The following DOCK4 variants were observed in gnomAD, a reference collection of about 807,000 sequenced individuals.
The protein encoded by DOCK4 is dedicator of cytokinesis 4.
In DOCK4, 97 loss-of-function variants were observed where a neutral mutation model predicts 268.1. The observed-to-expected ratio is 0.36, with a 90% confidence interval of 0.31 to 0.43. DOCK4 has a LOEUF of 0.43. Among genes scored for constraint, DOCK4 ranks in the 20% least tolerant of loss-of-function variants. DOCK4 has a pLI of 1.00. For missense variants in DOCK4, 2,145 were observed against 2,455.7 expected, an observed-to-expected ratio of 0.87 and a Z score of 2.67; for synonymous variants, 954 against 887.2, an observed-to-expected ratio of 1.08 and a Z score of -1.34.
intron 1 of DOCK4, among the ~76,000 whole-genome samples, chr7:112,088,233 TC>T (rs1351848316): frequency 6.6e-6 from 1 of 152,132 alleles, no homozygotes; most frequent in Non-Finnish European, 1.5e-5. Flanking sequence ...ACATGGTCAT[TC>T]TTCTTCAAGT....
chr7:112,167,843 T>G (rs1817735328), intron 1 of DOCK4, among the ~76,000 whole-genome samples: 1 of 152,168 alleles, frequency 6.6e-6, no homozygotes, highest in South Asian at 2.1e-4. Flanking sequence ...ATTATAAAAT[T>G]GAAGCTTCTT....
intron 1 of DOCK4, among the ~76,000 whole-genome samples, chr7:112,026,923 GGAAAT>G (rs1189291465): frequency 5.3e-5 from 8 of 152,148 alleles, no homozygotes; most frequent in Admixed American, 5.2e-4. Context: ...TAAAGAGAGT[GGAAAT>G]GACTGAAAGT....
intron 26 of DOCK4, among the ~76,000 whole-genome samples, chr7:111,832,825 C>T (rs568663086): frequency 6.6e-6 from 1 of 152,278 alleles, no homozygotes; most frequent in East Asian, 1.9e-4. Context: ...CCGCCAGCCT[C>T]AGTAATTTTA....
Position 111,840,797 on chromosome 7 carries a change from G to A in DOCK4, c.2736+3966C>T, listed in dbSNP as rs777169355. On this transcript the variant is annotated intron_variant, in intron 25 of 52. Coordinates refer to ENST00000428084, the MANE Select transcript of DOCK4 (RefSeq NM_001363540.2). ...ACTTGTCATGGGCACTTTTCCATAT[G>A]TGTCTGCACAGACTGAAAAGGTGCT... 5 of 1,328,904 alleles carry A rather than the reference G, an allele frequency of 3.8e-6. No individual in the cohort carries two copies. The East Asian group carries it at 1.9e-4, about 51-fold the overall frequency. 82.3% of individuals were successfully genotyped at this position (1,328,904 alleles called of 1,614,324 possible). A position where few individuals can be genotyped will look rare whatever the true frequency, so the allele number is the denominator to read the frequency against.
chr7:112,096,834 G>A (rs1314216562), intron 1 of DOCK4, among the ~76,000 whole-genome samples: 1 of 152,174 alleles, frequency 6.6e-6, no homozygotes, highest in Non-Finnish European at 1.5e-5. Context: ...AGGGCAACTG[G>A]ACATTCTGAC....
At chr7:111,943,501 T>C (rs1795365794) in intron 10 of DOCK4, among the ~76,000 whole-genome samples, 2 of 152,242 alleles carry the variant, frequency 1.3e-5, no homozygotes, top group South Asian at 2.1e-4. Flanking sequence ...CATGAAGATA[T>C]ATAAAACCAC....
chr7:112,159,760 G>A (rs567394109), intron 1 of DOCK4, among the ~76,000 whole-genome samples: 1 of 149,088 alleles, frequency 6.7e-6, no homozygotes, highest in East Asian at 1.9e-4. Context: ...CCTTCCCTCT[G>A]TAGCCAGGAT....
rs150270920 is a variant in DOCK4, at chr7:112,107,067, T to C, written c.37+99035A>G. ...ATTTAATCAAAATTAACTTCAGATATTCAGAGACTATTTATTATGTATGGG... is the reference window on the plus strand; with the variant it reads ...ATTTAATCAAAATTAACTTCAGATACTCAGAGACTATTTATTATGTATGGG... On this transcript the variant is annotated intron_variant, in intron 1 of 52. Transcript: ENST00000428084. Among the ~76,000 whole-genome samples, 119 of 152,362 alleles carry C rather than the reference T, an allele frequency of 7.8e-4. 2 individuals carry two copies. The highest frequency in any genetic ancestry group is 2.6e-3 in the African/African-American group (108 of 41,582).
intron 42 of DOCK4, among the ~76,000 whole-genome samples, chr7:111,749,861 T>C (rs1389307758): frequency 1.3e-5 from 2 of 152,186 alleles, no homozygotes; most frequent in African/African-American, 2.4e-5. Context: ...TAAGTATTCC[T>C]AAGACTAGTT....
At chr7:111,998,575 A>T in intron 3 of DOCK4, 72 bp from the exon 4 acceptor site, 1 of 1,166,220 alleles carries the variant, frequency 8.6e-7, no homozygotes, top group Non-Finnish European at 1.2e-6. Flanking sequence ...CATTTGTATA[A>T]AACACAGCCA....
intron 26 of DOCK4, among the ~76,000 whole-genome samples, chr7:111,829,357 A>C (rs1802636247): frequency 6.6e-6 from 1 of 152,202 alleles, no homozygotes; most frequent in Admixed American, 6.5e-5. Flanking sequence ...ATGTTAATAG[A>C]ATTCCTAGTT....
At position 111,788,739 on chromosome 7, in the gene DOCK4, G is replaced by C; in HGVS notation, c.3324C>G (p.Ala1108=). The change falls in exon 32 of 53, where the codon GCC becomes GCG. Residue 1108 remains alanine, a synonymous_variant. Transcript: ENST00000428084. ...GGCTATCCAGTTTGTCAATTAGCTT[G>C]GCTTCCACCTGAAACATACCCAACT... The part of the protein sequence containing the change: ...RRSGNFKQVE[A]KLIDKLDSLM... 6.3e-7 allele frequency: 1 copy of C among 1,588,596 alleles called. No individual in the cohort carries two copies. Among genetic ancestry groups the C allele is most frequent in the Admixed American group, 1.8e-5 (1 of 56,556 alleles).
intron 16 of DOCK4, among the ~76,000 whole-genome samples, chr7:111,877,564 G>A (rs570165117): frequency 1.1e-3 from 161 of 152,274 alleles, no homozygotes; most frequent in African/African-American, 3.8e-3. Flanking sequence ...CATATTTGCA[G>A]TGACCATAGT....
chr7:112,192,000 A>C (rs1481755415), intron 1 of DOCK4, among the ~76,000 whole-genome samples: 1 of 148,314 alleles, frequency 6.7e-6, no homozygotes, highest in Non-Finnish European at 1.5e-5. Context: ...AATATTATAT[A>C]TTATATAGTA....
At chr7:111,926,550 AAAGG>A (rs1182558957) in intron 12 of DOCK4, among the ~76,000 whole-genome samples, 3 of 148,808 alleles carry the variant, frequency 2.0e-5, no homozygotes, top group Admixed American at 1.3e-4. Context: ...AAAGAGAAAG[AAAGG>A]AAGGAAGGAA....
At chr7:111,895,833 A>G in intron 15 of DOCK4, 115 bp from the exon 16 acceptor site, 1 of 923,802 alleles carries the variant, frequency 1.1e-6, no homozygotes, top group Non-Finnish European at 1.7e-6. Flanking sequence ...CCACTACACA[A>G]TGCAGCACAG....
At chr7:112,009,527 C>G (rs1801123711) in intron 1 of DOCK4, among the ~76,000 whole-genome samples, 1 of 152,160 alleles carries the variant, frequency 6.6e-6, no homozygotes, top group African/African-American at 2.4e-5. Context: ...ATAGCAGTGT[C>G]CATCAGAAGG....
At chr7:111,950,091 T>G (rs978098241) in intron 8 of DOCK4, among the ~76,000 whole-genome samples, 3 of 152,164 alleles carry the variant, frequency 2.0e-5, no homozygotes, top group African/African-American at 7.2e-5. Context: ...CCCACTCAGC[T>G]AATTTTTAGA....
intron 28 of DOCK4, among the ~76,000 whole-genome samples, chr7:111,810,016 A>AT (rs1299282063): frequency 1.6e-4 from 24 of 151,966 alleles, no homozygotes; most frequent in East Asian, 9.7e-4. Flanking sequence ...TAATGGAAGG[A>AT]ACACACTTCT....
Sources: gnomAD v4.1 joint callset for allele counts (sites outside exome capture counted in the v4.1 genomes callset) on GRCh38, gnomAD v4.1.1 for gene constraint, MANE v1.5 for transcripts, NCBI Gene and HGNC (gene_info 2026-07-23, HGNC 2026-07-21) for gene names.